The following SLC39A11 variants were observed in gnomAD, a reference collection of about 807,000 sequenced individuals.
The protein encoded by SLC39A11 is solute carrier family 39 member 11, also known as zinc transporter ZIP11.
SLC39A11 carries 33 observed loss-of-function variants against 36.1 expected under a neutral mutation model. The observed-to-expected ratio is 0.91, with a 90% CI of 0.69 to 1.22. The LOEUF (loss-of-function observed/expected upper bound fraction) is 1.22, where lower values mean the gene tolerates loss of function less well. Ranked by LOEUF, SLC39A11 falls within the 50% of genes most tolerant of loss-of-function variation. The pLI is 0.00. For synonymous variants in SLC39A11, 166 were observed against 170.3 expected, an observed-to-expected ratio of 0.97 and a Z score of 0.20; for missense variants, 432 against 430.3, an observed-to-expected ratio of 1.00 and a Z score of -0.03.
At chr17:73,052,481 T>C (rs2059538339) in intron 3 of SLC39A11, among the ~76,000 whole-genome samples, 1 of 151,932 alleles carries the variant, frequency 6.6e-6, no homozygotes, top group Admixed American at 6.6e-5. Context: ...GAGTGAGAGA[T>C]TAAGTCCAGG....
chr17:72,810,670 G>C (rs1339137733), intron 6 of SLC39A11, among the ~76,000 whole-genome samples: 1 of 151,966 alleles, frequency 6.6e-6, no homozygotes, highest in African/African-American at 2.4e-5. Context: ...TGGTTATATG[G>C]GATATACATA....
intron 3 of SLC39A11, among the ~76,000 whole-genome samples, chr17:73,066,044 G>T (rs2059987854): frequency 6.6e-6 from 1 of 152,214 alleles, no homozygotes; most frequent in Non-Finnish European, 1.5e-5. Flanking sequence ...CTCCAAAGGA[G>T]AGGTGGTAGA....
intron 6 of SLC39A11, among the ~76,000 whole-genome samples, chr17:72,792,915 G>C (rs1365656841): frequency 6.6e-6 from 1 of 152,180 alleles, no homozygotes; most frequent in Non-Finnish European, 1.5e-5. Context: ...TTTTTGCAGA[G>C]ACTATGTTAG....
intron 7 of SLC39A11, among the ~76,000 whole-genome samples, chr17:72,671,126 T>C (rs1263862394): frequency 1.3e-5 from 2 of 152,170 alleles, no homozygotes; most frequent in African/African-American, 4.8e-5. Flanking sequence ...AGATCCCCTC[T>C]TTAGGACTGC....
intron 4 of SLC39A11, 113 bp downstream of exon 4, chr17:73,031,443 A>T: frequency 1.7e-6 from 2 of 1,158,284 alleles, no homozygotes; most frequent in South Asian, 1.5e-5. Flanking sequence ...TTTAAATACC[A>T]CTGGCTACTT....
intron 7 of SLC39A11, among the ~76,000 whole-genome samples, chr17:72,663,563 G>A (rs889413366): frequency 7.2e-5 from 11 of 152,132 alleles, no homozygotes; most frequent in Non-Finnish European, 8.8e-5. Flanking sequence ...CTAGTTATAT[G>A]TGATTTTGAA....
intron 6 of SLC39A11, among the ~76,000 whole-genome samples, chr17:72,783,784 C>A (rs143877747): frequency 6.6e-6 from 1 of 152,142 alleles, no homozygotes; most frequent in African/African-American, 2.4e-5. Flanking sequence ...AGTTAACAGG[C>A]GCCCACGTCA....
chr17:72,692,229 T>C (rs1598359222), intron 7 of SLC39A11, among the ~76,000 whole-genome samples: 1 of 151,388 alleles, frequency 6.6e-6, no homozygotes, highest in Non-Finnish European at 1.5e-5. Flanking sequence ...GCCAGGATGG[T>C]CTCGATCTCC....
intron 4 of SLC39A11, among the ~76,000 whole-genome samples, chr17:72,981,893 G>A (rs2088346246): frequency 6.6e-6 from 1 of 152,262 alleles, no homozygotes; most frequent in Non-Finnish European, 1.5e-5. Context: ...ACACTTCACA[G>A]AAAGGGAAAT....
chr17:72,690,584 G>A (rs901254244), intron 7 of SLC39A11, among the ~76,000 whole-genome samples: 11 of 152,178 alleles, frequency 7.2e-5, no homozygotes, highest in African/African-American at 1.9e-4. Flanking sequence ...TGAATGGATC[G>A]ACACAATGAG....
intron 7 of SLC39A11, among the ~76,000 whole-genome samples, chr17:72,693,491 T>C (rs926091271): frequency 9.2e-5 from 14 of 152,236 alleles, no homozygotes; most frequent in African/African-American, 3.4e-4. Flanking sequence ...ATTATTAAAA[T>C]GTTTTACTTA....
At chr17:73,081,973 C>T in intron 3 of SLC39A11, among the ~76,000 whole-genome samples, 1 of 150,920 alleles carries the variant, frequency 6.6e-6, no homozygotes, top group East Asian at 1.9e-4. Flanking sequence ...GGTAGGGGGG[C>T]TAGGGGTGAG....
At chr17:72,962,907 A>G (rs1227234955) in intron 4 of SLC39A11, among the ~76,000 whole-genome samples, 1 of 152,148 alleles carries the variant, frequency 6.6e-6, no homozygotes, top group African/African-American at 2.4e-5. Flanking sequence ...CTATATGACT[A>G]TAAGCCACAC....
chr17:72,807,530 G>A (rs1269404588), intron 6 of SLC39A11, among the ~76,000 whole-genome samples: 2 of 152,152 alleles, frequency 1.3e-5, no homozygotes, highest in Admixed American at 6.5e-5. Flanking sequence ...GTGATTAGAA[G>A]GCTAGAATTA....
intron 4 of SLC39A11, among the ~76,000 whole-genome samples, chr17:72,949,956 C>T (rs904221497): frequency 4.0e-4 from 2 of 4,970 alleles, no homozygotes; most frequent in African/African-American, 5.0e-4. Context: ...CTGTGACACA[C>T]ACACACACAC....
intron 3 of SLC39A11, among the ~76,000 whole-genome samples, chr17:73,046,767 C>T (rs1194399614): frequency 6.6e-6 from 1 of 151,920 alleles, no homozygotes; most frequent in Non-Finnish European, 1.5e-5. Flanking sequence ...CATGGCAAAA[C>T]CCCATCTCCA....
intron 5 of SLC39A11, among the ~76,000 whole-genome samples, chr17:72,923,778 GA>G (rs35795448): frequency 6.6e-6 from 1 of 151,906 alleles, no homozygotes; most frequent in African/African-American, 2.4e-5. Flanking sequence ...ATTGAGGCGG[GA>G]AAAAAAGAAA....
chr17:72,948,410 C>CGCCGCACGCACACAAA (rs2085595879), intron 4 of SLC39A11, among the ~76,000 whole-genome samples: 3 of 152,066 alleles, frequency 2.0e-5, no homozygotes, highest in East Asian at 1.9e-4. Context: ...CAAGCATCAT[C>CGCCGCACGCACACAAA]ACTGCCGGGC....
chr17:72,727,269 G>A (rs997120306), intron 7 of SLC39A11, among the ~76,000 whole-genome samples: 1 of 152,180 alleles, frequency 6.6e-6, no homozygotes, highest in Non-Finnish European at 1.5e-5. Context: ...AAGGAAAACC[G>A]CTTAAGCATG....
Sources: allele counts gnomAD v4.1 joint callset (sites outside exome capture counted in the v4.1 genomes callset), GRCh38; gene constraint gnomAD v4.1.1; transcripts MANE v1.5; gene names NCBI Gene and HGNC (gene_info 2026-07-23, HGNC 2026-07-21).